The following RPS6KC1 variants were observed in gnomAD, a reference collection of about 807,000 sequenced individuals.
RPS6KC1 encodes the protein ribosomal protein S6 kinase C1, also known as inactive ribosomal protein S6 kinase delta-1.
In RPS6KC1, 54 loss-of-function variants were observed where a neutral mutation model predicts 103.8. That is an observed-to-expected ratio of 0.52 (90% CI 0.42 to 0.65). The LOEUF (loss-of-function observed/expected upper bound fraction) is 0.65, where lower values mean the gene tolerates loss of function less well. Ranked by LOEUF, RPS6KC1 falls within the 30% of genes least tolerant of loss-of-function variation. The probability of loss-of-function intolerance (pLI) is 0.00; values close to 1 mark genes in which losing one functional copy is unlikely to be tolerated. For synonymous variants in RPS6KC1, 439 were observed against 438.7 expected (o/e 1.00, Z -0.01); for missense variants, 1,151 against 1,253.8 (o/e 0.92, Z 1.24).
At position 213,234,580 on chromosome 1, in the gene RPS6KC1, A is replaced by G. The variant is rs145137964; in HGVS notation, c.1225+2325A>G. On this transcript the variant is annotated intron_variant, in intron 10 of 14. Transcript: ENST00000366960. ...ACAAACTTGGGATGTTTGATGACCA[A>G]GAAAGGTATCATTTGGTTGGAATGG... 4.2e-3 allele frequency among the ~76,000 whole-genome samples: 633 copies of G among 152,298 alleles called. 6 individuals carry two copies. The highest frequency in any genetic ancestry group is 5.6e-3 in the Non-Finnish European group (378 of 68,008).
At chr1:213,227,338 A>T (rs759440898) in intron 8 of RPS6KC1, among the ~76,000 whole-genome samples, 2 of 152,226 alleles carry the variant, frequency 1.3e-5, no homozygotes, top group African/African-American at 2.4e-5. Context: ...ATGTTTATTA[A>T]ACATTTACTG....
chr1:213,262,869 C>A, intron 14 of RPS6KC1, 53 bp downstream of exon 14: 1 of 1,035,948 alleles, frequency 9.7e-7, no homozygotes. Context: ...ATTAGCAGAG[C>A]CCACAACTCC....
the RPS6KC1 span, among the ~76,000 whole-genome samples, chr1:213,555,988 A>G: frequency 6.6e-6 from 1 of 152,212 alleles, no homozygotes; most frequent in Non-Finnish European, 1.5e-5. Context: ...TCCTTCTTCA[A>G]AAATCAGAGC....
At chr1:213,516,348 A>G in the RPS6KC1 span, among the ~76,000 whole-genome samples, 3 of 150,152 alleles carry the variant, frequency 2.0e-5, no homozygotes, top group Admixed American at 6.6e-5. Flanking sequence ...CCCATTCAGT[A>G]TGATATTGGC....
chr1:213,152,924 C>G (rs918868541), intron 6 of RPS6KC1, among the ~76,000 whole-genome samples: 4 of 152,224 alleles, frequency 2.6e-5, no homozygotes, highest in African/African-American at 9.6e-5. Context: ...GCCGAGATCA[C>G]GCTACTGCAC....
the RPS6KC1 span, among the ~76,000 whole-genome samples, chr1:213,473,556 A>T: frequency 1.3e-5 from 2 of 152,060 alleles, no homozygotes; most frequent in African/African-American, 4.8e-5. Context: ...TTATCTGGAG[A>T]TGGGTATGGG....
At chr1:213,445,048 A>C in the RPS6KC1 span, among the ~76,000 whole-genome samples, 229 of 151,876 alleles carry the variant, frequency 1.5e-3, 8 homozygotes, top group Non-Finnish European at 1.6e-3. Context: ...GCAAATCACC[A>C]ATCTGCTTTG....
the RPS6KC1 span, among the ~76,000 whole-genome samples, chr1:213,811,208 G>A: frequency 6.6e-6 from 1 of 152,176 alleles, no homozygotes; most frequent in Non-Finnish European, 1.5e-5. Flanking sequence ...AACACTCTGA[G>A]ATTTTTCACC....
the RPS6KC1 span, among the ~76,000 whole-genome samples, chr1:213,510,808 A>G: frequency 6.6e-6 from 1 of 152,114 alleles, no homozygotes; most frequent in Non-Finnish European, 1.5e-5. Context: ...GACTTTCCCT[A>G]TACTATATAA....
the RPS6KC1 span, among the ~76,000 whole-genome samples, chr1:213,447,754 G>A: frequency 1.3e-5 from 2 of 152,192 alleles, no homozygotes; most frequent in Admixed American, 6.5e-5. Flanking sequence ...TTGTTCCTGG[G>A]TGGTTTATAA....
At chr1:213,845,674 A>C in the RPS6KC1 span, among the ~76,000 whole-genome samples, 60 of 152,322 alleles carry the variant, frequency 3.9e-4, 1 homozygote, top group South Asian at 0.012. Flanking sequence ...GATATTACCT[A>C]ATCGTAATAC....
At chr1:213,420,391 G>C in the RPS6KC1 span, among the ~76,000 whole-genome samples, 3 of 152,220 alleles carry the variant, frequency 2.0e-5, no homozygotes, top group African/African-American at 7.2e-5. Flanking sequence ...GCCCAGAGCA[G>C]AGGTGCACTC....
chr1:213,228,367 C>T (rs2841433), intron 8 of RPS6KC1, among the ~76,000 whole-genome samples: 11,568 of 152,074 alleles, frequency 0.076, 655 homozygotes, highest in African/African-American at 0.15. Flanking sequence ...AATAAGAATG[C>T]CTTATGTCCA....
At chr1:213,346,566 A>T in the RPS6KC1 span, among the ~76,000 whole-genome samples, 3 of 152,280 alleles carry the variant, frequency 2.0e-5, no homozygotes, top group African/African-American at 4.8e-5. Flanking sequence ...GAGTAATGGG[A>T]TAGAAGACGG....
chr1:213,730,552 GGCT>G, the RPS6KC1 span, among the ~76,000 whole-genome samples: 1 of 152,128 alleles, frequency 6.6e-6, no homozygotes, highest in Admixed American at 6.5e-5. Context: ...CATGATTATT[GGCT>G]GCATGTATGT....
chr1:213,840,035 G>A, the RPS6KC1 span: 1 of 152,006 alleles, frequency 6.6e-6, no homozygotes, highest in Non-Finnish European at 1.5e-5. Flanking sequence ...ACAATACATC[G>A]ACTAAGCAAC....
chr1:213,515,311 A>G, the RPS6KC1 span, among the ~76,000 whole-genome samples: 29 of 152,346 alleles, frequency 1.9e-4, no homozygotes, highest in African/African-American at 6.5e-4. Context: ...GCCCATGCCT[A>G]TGTCCTGAAT....
At chr1:213,746,532 A>T in the RPS6KC1 span, among the ~76,000 whole-genome samples, 1 of 152,202 alleles carries the variant, frequency 6.6e-6, no homozygotes, top group Non-Finnish European at 1.5e-5. Flanking sequence ...TCATTGTAAG[A>T]TCTTTGGCTT....
the RPS6KC1 span, among the ~76,000 whole-genome samples, chr1:213,676,517 A>G: frequency 6.6e-6 from 1 of 152,204 alleles, no homozygotes. Flanking sequence ...TTTGCTTTAT[A>G]GTTGAGTTGG....
Sources: allele counts gnomAD v4.1 joint callset (sites outside exome capture counted in the v4.1 genomes callset), GRCh38; gene constraint gnomAD v4.1.1; transcripts MANE v1.5; gene names NCBI Gene and HGNC (gene_info 2026-07-23, HGNC 2026-07-21).